GRIK2: variants seen among roughly 807,000 people sequenced by gnomAD.
GRIK2 encodes the protein glutamate receptor ionotropic, kainate 2.
GRIK2 carries 32 observed loss-of-function variants against 100.3 expected under a neutral mutation model. The ratio of observed to expected loss-of-function variants is 0.32; its 90% CI spans 0.24 to 0.43. The LOEUF (loss-of-function observed/expected upper bound fraction) is 0.43, where lower values mean the gene tolerates loss of function less well. Ranked by LOEUF, GRIK2 falls within the 20% of genes least tolerant of loss-of-function variation. The pLI is 1.00. For missense variants in GRIK2, 843 were observed against 1,114.9 expected (o/e 0.76, Z 3.47); for synonymous variants, 417 against 389.4 (o/e 1.07, Z -0.83).
chr6:101,963,175 T>G (rs1374309466), intron 14 of GRIK2, among the ~76,000 whole-genome samples: 1 of 151,196 alleles, frequency 6.6e-6, no homozygotes, highest in Non-Finnish European at 1.5e-5. Context: ...ACATTTTAAT[T>G]TAATGATTTT....
chr6:101,691,181 C>G (rs1193545756), intron 7 of GRIK2, among the ~76,000 whole-genome samples: 1 of 152,024 alleles, frequency 6.6e-6, no homozygotes, highest in African/African-American at 2.4e-5. Flanking sequence ...CTCTAATTTC[C>G]CCAAATATAT....
intron 14 of GRIK2, among the ~76,000 whole-genome samples, chr6:102,023,116 A>G (rs1375187925): frequency 6.6e-6 from 1 of 151,512 alleles, no homozygotes; most frequent in African/African-American, 2.4e-5. Flanking sequence ...TTTAAAATAT[A>G]TGGTGATCAT....
intron 7 of GRIK2, among the ~76,000 whole-genome samples, chr6:101,762,706 G>T (rs1777806972): frequency 6.6e-6 from 1 of 152,158 alleles, no homozygotes; most frequent in Non-Finnish European, 1.5e-5. Context: ...TTAAGTACGT[G>T]CCTTGACAGG....
At chr6:101,436,121 T>C (rs1769699063) in intron 2 of GRIK2, among the ~76,000 whole-genome samples, 1 of 152,162 alleles carries the variant, frequency 6.6e-6, no homozygotes, top group Non-Finnish European at 1.5e-5. Context: ...AAACTTCCTA[T>C]CTATTCAGAG....
chr6:101,990,687 G>A (rs1195994027), intron 14 of GRIK2, among the ~76,000 whole-genome samples: 1 of 151,506 alleles, frequency 6.6e-6, no homozygotes, highest in African/African-American at 2.4e-5. Context: ...TTTTGAGGGT[G>A]CTTCTAGTTT....
chr6:101,722,024 C>T (rs528827892), intron 7 of GRIK2, among the ~76,000 whole-genome samples: 21 of 152,012 alleles, frequency 1.4e-4, no homozygotes, highest in African/African-American at 4.8e-4. Context: ...TTAATAACCT[C>T]ATTAAAGGGG....
At chr6:101,680,563 T>C (rs1771168243) in intron 5 of GRIK2, among the ~76,000 whole-genome samples, 1 of 152,224 alleles carries the variant, frequency 6.6e-6, no homozygotes, top group Admixed American at 6.5e-5. Context: ...AAATATGTAA[T>C]GTGCTTAGAA....
chr6:101,498,153 T>C (rs1385670456), intron 2 of GRIK2, among the ~76,000 whole-genome samples: 3 of 149,940 alleles, frequency 2.0e-5, no homozygotes, highest in African/African-American at 7.4e-5. Flanking sequence ...TTACTGAGAA[T>C]GATGATTTCC....
intron 15 of GRIK2, among the ~76,000 whole-genome samples, chr6:102,043,296 A>AAATTT (rs1313965017): frequency 1.3e-5 from 2 of 151,804 alleles, no homozygotes; most frequent in Non-Finnish European, 2.9e-5. Flanking sequence ...TGAACATTTG[A>AAATTT]AATTTATTAG....
chr6:101,550,736 A>G (rs1776472835), intron 2 of GRIK2, among the ~76,000 whole-genome samples: 1 of 152,146 alleles, frequency 6.6e-6, no homozygotes, highest in South Asian at 2.1e-4. Flanking sequence ...GCCTGCATAT[A>G]CACTGAAAGC....
chr6:101,439,854 AT>A (rs1769947201), intron 2 of GRIK2, among the ~76,000 whole-genome samples: 1 of 152,086 alleles, frequency 6.6e-6, no homozygotes, highest in Non-Finnish European at 1.5e-5. Flanking sequence ...CTTAAATGCA[AT>A]TTATGAAAAA....
chr6:101,619,682 C>T (rs1326174471), intron 2 of GRIK2, among the ~76,000 whole-genome samples: 1 of 152,072 alleles, frequency 6.6e-6, no homozygotes, highest in African/African-American at 2.4e-5. Context: ...CTTAACTTTA[C>T]AAGTACCTTA....
intron 2 of GRIK2, among the ~76,000 whole-genome samples, chr6:101,455,598 A>G (rs1770961303): frequency 6.6e-6 from 1 of 152,114 alleles, no homozygotes; most frequent in Non-Finnish European, 1.5e-5. Flanking sequence ...TTTAAAAAAA[A>G]AAGTGACTAT....
intron 14 of GRIK2, among the ~76,000 whole-genome samples, chr6:102,021,965 A>C (rs552376452): frequency 6.6e-6 from 1 of 150,678 alleles, no homozygotes; most frequent in Admixed American, 6.6e-5. Context: ...GGAAAAAAAA[A>C]AAACTATGGA....
intron 10 of GRIK2, among the ~76,000 whole-genome samples, chr6:101,836,448 T>G (rs1783097413): frequency 6.7e-6 from 1 of 149,250 alleles, no homozygotes; most frequent in Admixed American, 6.7e-5. Context: ...TAAAATATCT[T>G]AAATTTATAT....
At chr6:101,778,244 G>C (rs1292801757) in intron 7 of GRIK2, among the ~76,000 whole-genome samples, 1 of 152,112 alleles carries the variant, frequency 6.6e-6, no homozygotes, top group Non-Finnish European at 1.5e-5. Context: ...AATTAGTGAT[G>C]TTTAATTTGC....
At chr6:101,628,589 G>A (rs1196085625) in intron 4 of GRIK2, among the ~76,000 whole-genome samples, 1 of 152,008 alleles carries the variant, frequency 6.6e-6, no homozygotes, top group African/African-American at 2.4e-5. Flanking sequence ...GTAATCAAAT[G>A]ATCCAAGGGA....
intron 9 of GRIK2, among the ~76,000 whole-genome samples, chr6:101,816,592 G>A (rs1281323747): frequency 6.6e-6 from 1 of 152,174 alleles, no homozygotes; most frequent in Non-Finnish European, 1.5e-5. Flanking sequence ...TCGGGAGGCT[G>A]AGGCAGGAGA....
intron 2 of GRIK2, among the ~76,000 whole-genome samples, chr6:101,579,407 CTT>C (rs1474906621): frequency 6.6e-6 from 1 of 151,932 alleles, no homozygotes; most frequent in Non-Finnish European, 1.5e-5. Context: ...TTTCTTTTCT[CTT>C]TGTCTCTTTA....
Sources: gnomAD v4.1 joint callset for allele counts (sites outside exome capture counted in the v4.1 genomes callset) on GRCh38, gnomAD v4.1.1 for gene constraint, MANE v1.5 for transcripts, NCBI Gene and HGNC (gene_info 2026-07-23, HGNC 2026-07-21) for gene names.